SYNPR: variants seen among roughly 807,000 people sequenced by gnomAD.
SYNPR encodes synaptoporin.
In SYNPR, 23 loss-of-function variants were observed where a neutral mutation model predicts 32.9. That is an observed-to-expected ratio of 0.70 (90% CI 0.50 to 0.99). The LOEUF (loss-of-function observed/expected upper bound fraction) is 0.99, where lower values mean the gene tolerates loss of function less well. Among genes scored for constraint, SYNPR ranks in the 50% least tolerant of loss-of-function variants. The pLI is 0.00. For synonymous variants in SYNPR, 146 were observed against 135.9 expected, an observed-to-expected ratio of 1.07 and a Z score of -0.52; for missense variants, 318 against 349.3, an observed-to-expected ratio of 0.91 and a Z score of 0.71.
chr3:63,455,474 C>T (rs1007226488), intron 2 of SYNPR, among the ~76,000 whole-genome samples: 2 of 152,072 alleles, frequency 1.3e-5, no homozygotes, highest in Non-Finnish European at 2.9e-5. Context: ...CACACACATG[C>T]TGCTACATTT....
intron 4 of SYNPR, among the ~76,000 whole-genome samples, chr3:63,578,406 G>T (rs181432048): frequency 6.6e-6 from 1 of 152,226 alleles, no homozygotes; most frequent in South Asian, 2.1e-4. Context: ...AGTGAGTTAG[G>T]TTTAGACAAG....
chr3:63,224,747 G>A (rs1388363380), upstream of SYNPR, among the ~76,000 whole-genome samples: 1 of 152,178 alleles, frequency 6.6e-6, no homozygotes, highest in Non-Finnish European at 1.5e-5. Flanking sequence ...AGGAGAGAAG[G>A]ATAACAGGGT....
At chr3:63,461,377 A>T (rs959689646) in intron 2 of SYNPR, among the ~76,000 whole-genome samples, 3 of 152,140 alleles carry the variant, frequency 2.0e-5, no homozygotes, top group Non-Finnish European at 4.4e-5. Context: ...AGTTCTTTCC[A>T]GGAAACGTAA....
intron 2 of SYNPR, among the ~76,000 whole-genome samples, chr3:63,315,241 T>C (rs2087028140): frequency 1.3e-5 from 2 of 151,998 alleles, no homozygotes; most frequent in Non-Finnish European, 2.9e-5. Flanking sequence ...TCCATATGAA[T>C]TTTAGAATTG....
At chr3:63,402,606 A>T (rs2088307603) in intron 2 of SYNPR, among the ~76,000 whole-genome samples, 1 of 152,186 alleles carries the variant, frequency 6.6e-6, no homozygotes, top group Admixed American at 6.5e-5. Context: ...GGATGACTCC[A>T]AGATGAAGGA....
chr3:63,378,972 T>C (rs1032488773), intron 2 of SYNPR, among the ~76,000 whole-genome samples: 4 of 152,248 alleles, frequency 2.6e-5, no homozygotes, highest in Admixed American at 2.0e-4. Flanking sequence ...ATACACAAAA[T>C]GTGTTTTACA....
chr3:63,531,302 AC>A (rs1216940879), intron 3 of SYNPR, among the ~76,000 whole-genome samples: 1 of 152,166 alleles, frequency 6.6e-6, no homozygotes, highest in Non-Finnish European at 1.5e-5. Flanking sequence ...AATCAAGGTA[AC>A]AGCAGGGCTC....
chr3:63,236,009 T>C (rs1338849111), intron 1 of SYNPR, among the ~76,000 whole-genome samples: 1 of 152,034 alleles, frequency 6.6e-6, no homozygotes, highest in Non-Finnish European at 1.5e-5. Flanking sequence ...GTTTTACATG[T>C]AACTCCATGA....
intron 2 of SYNPR, among the ~76,000 whole-genome samples, chr3:63,463,913 A>C (rs1700633868): frequency 6.6e-6 from 1 of 151,994 alleles, no homozygotes; most frequent in African/African-American, 2.4e-5. Flanking sequence ...TGTAATGTTG[A>C]TTCTGCTTCC....
At chr3:63,218,883 A>G in the SYNPR span, among the ~76,000 whole-genome samples, 4 of 152,196 alleles carry the variant, frequency 2.6e-5, no homozygotes, top group South Asian at 2.1e-4. Flanking sequence ...AACAACTCTA[A>G]CCTGACTCCT....
intron 3 of SYNPR, among the ~76,000 whole-genome samples, chr3:63,268,345 G>A (rs1332023018): frequency 3.3e-5 from 5 of 152,090 alleles, no homozygotes; most frequent in African/African-American, 1.2e-4. Context: ...TAGAAAATAT[G>A]GAAAACAGTT....
intron 2 of SYNPR, among the ~76,000 whole-genome samples, chr3:63,464,867 A>G (rs115695398): frequency 1.1e-3 from 173 of 152,240 alleles, no homozygotes; most frequent in African/African-American, 3.9e-3. Flanking sequence ...TGGGAGCCCA[A>G]AGCTAAATTA....
At chr3:63,343,137 G>A (rs891039603) in intron 2 of SYNPR, among the ~76,000 whole-genome samples, 1 of 152,070 alleles carries the variant, frequency 6.6e-6, no homozygotes, top group Non-Finnish European at 1.5e-5. Context: ...GAGGATGAAG[G>A]AAAACTAGCC....
chr3:63,304,100 T>C (rs1047336329), intron 2 of SYNPR, among the ~76,000 whole-genome samples: 3 of 152,058 alleles, frequency 2.0e-5, no homozygotes, highest in Admixed American at 6.6e-5. Context: ...TTTAAAAAGC[T>C]GTTTATTCTG....
At chr3:63,291,605 T>G (rs1020352830) in intron 2 of SYNPR, among the ~76,000 whole-genome samples, 3 of 117,168 alleles carry the variant, frequency 2.6e-5, no homozygotes, top group Non-Finnish European at 5.5e-5. Flanking sequence ...TCATGGATTC[T>G]ATTTTGAAGC....
chr3:63,326,858 A>C (rs2087173909), intron 2 of SYNPR, among the ~76,000 whole-genome samples: 1 of 152,142 alleles, frequency 6.6e-6, no homozygotes, highest in Non-Finnish European at 1.5e-5. Context: ...TTTCTAATTA[A>C]GTTTACATTG....
chr3:63,534,768 C>T (rs1240132936), intron 3 of SYNPR, among the ~76,000 whole-genome samples: 2 of 152,076 alleles, frequency 1.3e-5, no homozygotes, highest in Non-Finnish European at 2.9e-5. Flanking sequence ...GATGAGGTAA[C>T]GTGGTGACAG....
chr3:63,582,474 G>T (rs1296353929), intron 4 of SYNPR, among the ~76,000 whole-genome samples: 1 of 151,978 alleles, frequency 6.6e-6, no homozygotes, highest in African/African-American at 2.4e-5. Flanking sequence ...TGCAAATTTA[G>T]CTAAGTGCAT....
chr3:63,514,890 G>A (rs1479015812), intron 3 of SYNPR, among the ~76,000 whole-genome samples: 1 of 151,948 alleles, frequency 6.6e-6, no homozygotes, highest in East Asian at 1.9e-4. Context: ...AGTCCTCTAA[G>A]GTTTCCCACA....
Sources: allele counts gnomAD v4.1 joint callset (sites outside exome capture counted in the v4.1 genomes callset), GRCh38; gene constraint gnomAD v4.1.1; transcripts MANE v1.5; gene names NCBI Gene and HGNC (gene_info 2026-07-23, HGNC 2026-07-21).